FHIT: variants seen among roughly 807,000 people sequenced by gnomAD.
The protein encoded by FHIT is bis(5'-adenosyl)-triphosphatase.
FHIT carries 19 observed loss-of-function variants against 17.9 expected under a neutral mutation model. The ratio of observed to expected loss-of-function variants is 1.06; its 90% CI spans 0.74 to 1.56. The LOEUF (loss-of-function observed/expected upper bound fraction) is 1.56. Among genes scored for constraint, FHIT ranks in the 40% most tolerant of loss-of-function variants. FHIT has a pLI of 0.00. For synonymous variants in FHIT, 81 were observed against 69.7 expected (o/e 1.16, Z -0.81); for missense variants, 248 against 189.2 (o/e 1.31, Z -1.82).
At chr3:59,955,405 A>G (rs1707342456) in intron 7 of FHIT, among the ~76,000 whole-genome samples, 1 of 152,186 alleles carries the variant, frequency 6.6e-6, no homozygotes, top group Non-Finnish European at 1.5e-5. Flanking sequence ...GCAAACTGCA[A>G]GAGCTCAATT....
At chr3:60,302,216 G>C (rs570129148) in intron 5 of FHIT, among the ~76,000 whole-genome samples, 1 of 151,994 alleles carries the variant, frequency 6.6e-6, no homozygotes, top group African/African-American at 2.4e-5. Flanking sequence ...TTATCTCTAA[G>C]AGTTCAAGGA....
chr3:60,595,544 T>C (rs1311702010), intron 4 of FHIT, among the ~76,000 whole-genome samples: 1 of 151,314 alleles, frequency 6.6e-6, no homozygotes, highest in African/African-American at 2.4e-5. Context: ...TATATATGTG[T>C]GTGTATATAT....
At chr3:60,561,773 C>G (rs755710077) in intron 4 of FHIT, among the ~76,000 whole-genome samples, 1 of 152,146 alleles carries the variant, frequency 6.6e-6, no homozygotes, top group African/African-American at 2.4e-5. Context: ...CCAAATGGTA[C>G]AGGCTTTGGC....
At chr3:60,099,244 C>T (rs115251579) in intron 5 of FHIT, among the ~76,000 whole-genome samples, 316 of 152,206 alleles carry the variant, frequency 2.1e-3, no homozygotes, top group African/African-American at 7.1e-3. Context: ...ATAACTTATC[C>T]ATCTACCAAC....
chr3:60,585,356 G>A (rs187688192), intron 4 of FHIT, among the ~76,000 whole-genome samples: 1 of 151,920 alleles, frequency 6.6e-6, no homozygotes, highest in South Asian at 2.1e-4. Context: ...GTCAGACACA[G>A]GTGCATTTTG....
chr3:61,231,387 G>C (rs530485876), intron 1 of FHIT, among the ~76,000 whole-genome samples: 1 of 151,946 alleles, frequency 6.6e-6, no homozygotes, highest in African/African-American at 2.4e-5. Flanking sequence ...CCAGCTACTC[G>C]GGAGGCTGAG....
At chr3:59,860,888 T>C (rs681119) in intron 8 of FHIT, among the ~76,000 whole-genome samples, 82,957 of 151,932 alleles carry the variant, frequency 0.55, 24,013 homozygotes, top group African/African-American at 0.74. Flanking sequence ...AATCCAGTAA[T>C]GATCCATGAT....
At chr3:60,443,079 G>C (rs962508117) in intron 5 of FHIT, among the ~76,000 whole-genome samples, 1 of 151,954 alleles carries the variant, frequency 6.6e-6, no homozygotes, top group Non-Finnish European at 1.5e-5. Context: ...CTGTTTATCT[G>C]TTACTGGTGT....
In FHIT at chr3:61,034,144, T is replaced by C. The variant is rs138304829; in HGVS notation, c.-111+7903A>G. Reference sequence around the variant, plus strand: ...AATGGAGCAATGATCTAAATATAAGTGCTAAACTGTAAAACTCTTTGAAGA... The same window carrying C: ...AATGGAGCAATGATCTAAATATAAGCGCTAAACTGTAAAACTCTTTGAAGA... On this transcript the variant is annotated intron_variant, in intron 3 of 9. Transcript: ENST00000492590. Among the ~76,000 whole-genome samples, 428 of 152,256 alleles carry C rather than the reference T, an allele frequency of 2.8e-3. 4 individuals carry two copies. The highest frequency in any genetic ancestry group is 9.5e-3 in the African/African-American group (396 of 41,554).
At chr3:60,921,122 A>G (rs975025299) in intron 3 of FHIT, among the ~76,000 whole-genome samples, 17 of 152,202 alleles carry the variant, frequency 1.1e-4, no homozygotes, top group African/African-American at 3.9e-4. Flanking sequence ...AAAAAGTGCT[A>G]AGACTTGAAA....
At position 60,305,836 on chromosome 3, in the gene FHIT, A is replaced by T. The variant is rs150013288; in HGVS notation, c.103+231024T>A. Among the ~76,000 whole-genome samples, 52 of 152,194 alleles carry T rather than the reference A, an allele frequency of 3.4e-4. 1 individual carries two copies. Among genetic ancestry groups the T allele is most frequent in the African/African-American group, 1.2e-3 (51 of 41,538 alleles). ...AGCAATTTTTAATAATTTTAAACTG[A>T]TGTGCTATTTAATGGTTTGGTGATA... On this transcript the variant is annotated intron_variant, in intron 5 of 9. Coordinates refer to ENST00000492590, the MANE Select transcript of FHIT (RefSeq NM_002012.4).
intron 8 of FHIT, among the ~76,000 whole-genome samples, chr3:59,842,581 C>T (rs1002827224): frequency 3.3e-5 from 5 of 152,166 alleles, no homozygotes; most frequent in African/African-American, 1.2e-4. Flanking sequence ...CAACACTTCA[C>T]TCTTTTTTGA....
intron 5 of FHIT, among the ~76,000 whole-genome samples, chr3:60,246,136 C>T (rs924167763): frequency 6.6e-6 from 1 of 151,956 alleles, no homozygotes; most frequent in Non-Finnish European, 1.5e-5. Flanking sequence ...AGTAAAGAGG[C>T]ATTGCAGTAA....
chr3:60,652,174 T>C (rs1311225535), intron 4 of FHIT, among the ~76,000 whole-genome samples: 15 of 152,116 alleles, frequency 9.9e-5, no homozygotes, highest in Admixed American at 9.8e-4. Flanking sequence ...GGGGGTTAAT[T>C]ACAGGCCAGG....
intron 2 of FHIT, among the ~76,000 whole-genome samples, chr3:61,193,767 A>T (rs2038779999): frequency 6.6e-6 from 1 of 152,200 alleles, no homozygotes; most frequent in Non-Finnish European, 1.5e-5. Context: ...TACCAGGCCA[A>T]GTTCCCACTG....
At chr3:60,475,185 G>C (rs374831789) in intron 5 of FHIT, among the ~76,000 whole-genome samples, 92 of 151,594 alleles carry the variant, frequency 6.1e-4, no homozygotes, top group African/African-American at 2.1e-3. Flanking sequence ...GAGACTCTTT[G>C]TTCATCTCTT....
chr3:60,828,985 C>T (rs1338857570), intron 3 of FHIT, among the ~76,000 whole-genome samples: 1 of 152,126 alleles, frequency 6.6e-6, no homozygotes, highest in Non-Finnish European at 1.5e-5. Context: ...AGAAGGAGAA[C>T]AAGGGATGGA....
intron 5 of FHIT, among the ~76,000 whole-genome samples, chr3:60,105,696 G>A (rs1177994522): frequency 6.6e-6 from 1 of 152,118 alleles, no homozygotes; most frequent in East Asian, 1.9e-4. Flanking sequence ...ACAGAAATGT[G>A]AGATGTAGCA....
intron 2 of FHIT, among the ~76,000 whole-genome samples, chr3:61,071,671 AAT>A (rs2106741347): frequency 6.6e-6 from 1 of 152,288 alleles, no homozygotes; most frequent in South Asian, 2.1e-4. Context: ...GCCTATTTCC[AAT>A]ATGTTTATAA....
Sources: gnomAD v4.1 joint callset for allele counts (sites outside exome capture counted in the v4.1 genomes callset) on GRCh38, gnomAD v4.1.1 for gene constraint, MANE v1.5 for transcripts, NCBI Gene and HGNC (gene_info 2026-07-23, HGNC 2026-07-21) for gene names.